The following EEF2K variants were observed in gnomAD, a reference collection of about 807,000 sequenced individuals.
EEF2K encodes the protein alternative protein EEF2K.
In EEF2K, 70 loss-of-function variants were observed where a neutral mutation model predicts 93.8. The observed-to-expected ratio is 0.75, with a 90% CI of 0.62 to 0.91. The LOEUF (loss-of-function observed/expected upper bound fraction) is 0.91. EEF2K is among the 40% of genes least tolerant of loss of function. The pLI, the probability that EEF2K is intolerant of heterozygous loss-of-function variation, is 0.00. For missense variants in EEF2K, 935 were observed against 972.9 expected, an observed-to-expected ratio of 0.96 and a Z score of 0.52; for synonymous variants, 376 against 380.8, an observed-to-expected ratio of 0.99 and a Z score of 0.15.
intron 7 of EEF2K, 44 bp downstream of exon 7, chr16:22,256,941 G>A: frequency 6.2e-7 from 1 of 1,608,584 alleles, no homozygotes; most frequent in Non-Finnish European, 8.5e-7. Flanking sequence ...CACAGCCCTT[G>A]GGGTGAGATC....
intron 6 of EEF2K, among the ~76,000 whole-genome samples, chr16:22,251,719 C>G (rs565276343): frequency 1.3e-5 from 2 of 151,066 alleles, no homozygotes; most frequent in Non-Finnish European, 3.0e-5. Flanking sequence ...GCCACCATAC[C>G]TGGCCTCTTT....
intron 3 of EEF2K, 150 bp from the exon 4 acceptor site, chr16:22,248,605 A>G: frequency 1.3e-6 from 1 of 792,784 alleles, no homozygotes; most frequent in South Asian, 1.7e-5. Context: ...CTCCAACCCA[A>G]CCCAGGAGGT....
intron 1 of EEF2K, among the ~76,000 whole-genome samples, chr16:22,209,160 G>A (rs2046891995): frequency 6.6e-6 from 1 of 152,124 alleles, no homozygotes; most frequent in South Asian, 2.1e-4. Flanking sequence ...TCTTGAGTAT[G>A]AGCTGGGACT....
chr16:22,280,355 G>C lies in EEF2K; in HGVS notation c.2047G>C (p.Glu683Gln), dbSNP rs1468176909. The C allele has an allele frequency of 1.3e-6, 2 of 1,591,064 alleles. No individual in the cohort carries two copies. Among genetic ancestry groups the C allele is most frequent in the South Asian group, 2.3e-5 (2 of 86,956 alleles). ...EMLFTGGYGL[E>Q]KDPQRSGDLY... ...GCTGTTCACAGGAGGCTACGGGCTG[G>C]AGAAGGACCCGCAGAGATCAGGTAG... is the stretch of plus-strand genomic sequence containing the variant. The change falls in exon 17 of 18, where the codon GAG (glutamate) becomes CAG (glutamine). Residue 683 changes from glutamate to glutamine, a missense_variant. Transcript: ENST00000263026.
At chr16:22,268,367 C>T (rs1167615571) in intron 15 of EEF2K, among the ~76,000 whole-genome samples, 1 of 151,850 alleles carries the variant, frequency 6.6e-6, no homozygotes, top group Admixed American at 6.6e-5. Flanking sequence ...GACAGAGCTT[C>T]ACCATGTTGG....
intron 2 of EEF2K, among the ~76,000 whole-genome samples, chr16:22,242,655 T>C (rs1275619587): frequency 1.3e-5 from 2 of 151,884 alleles, no homozygotes; most frequent in African/African-American, 4.8e-5. Context: ...TTTTGGGCCA[T>C]CATAATGATG....
chr16:22,217,342 G>C (rs2046968059), intron 1 of EEF2K, among the ~76,000 whole-genome samples: 1 of 152,002 alleles, frequency 6.6e-6, no homozygotes, highest in African/African-American at 2.4e-5. Flanking sequence ...TTGTTCACTA[G>C]AGTTGAGCAG....
intron 2 of EEF2K, among the ~76,000 whole-genome samples, chr16:22,231,846 C>T (rs558876005): frequency 1.3e-5 from 2 of 151,680 alleles, no homozygotes; most frequent in East Asian, 3.9e-4. Flanking sequence ...AAAAATTAGC[C>T]AGGCATGGTG....
chr16:22,229,594 G>A (rs2047096334), intron 2 of EEF2K, among the ~76,000 whole-genome samples: 1 of 151,988 alleles, frequency 6.6e-6, no homozygotes, highest in African/African-American at 2.4e-5. Context: ...CCAGCTACTC[G>A]GGAGGCTGAA....
At chr16:22,222,947 C>G (rs975551462) in intron 1 of EEF2K, among the ~76,000 whole-genome samples, 21 of 152,008 alleles carry the variant, frequency 1.4e-4, no homozygotes, top group Admixed American at 6.6e-5. Context: ...AATTTTAGAA[C>G]CTTTTCATCA....
intron 1 of EEF2K, among the ~76,000 whole-genome samples, chr16:22,214,856 C>T (rs534331329): frequency 2.0e-5 from 3 of 152,116 alleles, no homozygotes; most frequent in East Asian, 1.9e-4. Flanking sequence ...ACAAAACACA[C>T]GAACAAAACA....
chr16:22,262,077 C>T (rs1180133659), intron 11 of EEF2K, among the ~76,000 whole-genome samples: 2 of 151,530 alleles, frequency 1.3e-5, no homozygotes, highest in Non-Finnish European at 2.9e-5. Flanking sequence ...GGAAATAAAA[C>T]TATTCCGTTA....
intron 16 of EEF2K, 64 bp downstream of exon 16, chr16:22,273,814 C>A: frequency 6.3e-7 from 1 of 1,592,280 alleles, no homozygotes; most frequent in Non-Finnish European, 8.6e-7. Context: ...CGCTTGTCCT[C>A]GGTATCAGCA....
At chr16:22,221,962 C>T (rs969277418) in intron 1 of EEF2K, among the ~76,000 whole-genome samples, 17 of 151,906 alleles carry the variant, frequency 1.1e-4, no homozygotes, top group African/African-American at 1.9e-4. Context: ...CCCAGCTACT[C>T]GGGAGGCTGA....
chr16:22,250,763 G>T, intron 5 of EEF2K, 72 bp downstream of exon 5: 1 of 1,597,864 alleles, frequency 6.3e-7, no homozygotes, highest in Non-Finnish European at 8.6e-7. Flanking sequence ...GAGGCATTGG[G>T]ACATTTTCAG....
At chr16:22,211,334 T>TCCTTATCA (rs2046911322) in intron 1 of EEF2K, among the ~76,000 whole-genome samples, 1 of 152,178 alleles carries the variant, frequency 6.6e-6, no homozygotes, top group Non-Finnish European at 1.5e-5. Flanking sequence ...CTGGTTTTGG[T>TCCTTATCA]GCTTATCAGG....
intron 1 of EEF2K, among the ~76,000 whole-genome samples, chr16:22,221,614 G>C (rs1021912522): frequency 6.6e-6 from 1 of 152,168 alleles, no homozygotes; most frequent in Non-Finnish European, 1.5e-5. Context: ...GAGTACCAAA[G>C]CCTTGGCTCT....
intron 2 of EEF2K, 64 bp downstream of exon 2, chr16:22,226,039 G>T: frequency 6.3e-7 from 1 of 1,584,288 alleles, no homozygotes; most frequent in Non-Finnish European, 8.6e-7. Flanking sequence ...TGGAGGGTTG[G>T]AGTCGCTGGT....
chr16:22,263,604 T>G (rs2047488018), intron 12 of EEF2K, among the ~76,000 whole-genome samples: 1 of 152,176 alleles, frequency 6.6e-6, no homozygotes, highest in East Asian at 1.9e-4. Flanking sequence ...GTGAACTTTG[T>G]CTCAAAATAA....
Sources: allele counts gnomAD v4.1 joint callset (sites outside exome capture counted in the v4.1 genomes callset), GRCh38; gene constraint gnomAD v4.1.1; transcripts MANE v1.5; gene names NCBI Gene and HGNC (gene_info 2026-07-23, HGNC 2026-07-21).